Variants in ATP2C2 observed in about 807,000 individuals in gnomAD.
ATP2C2 encodes the protein calcium-transporting ATPase type 2C member 2.
In ATP2C2, 171 loss-of-function variants were observed where a neutral mutation model predicts 110.8. That is an observed-to-expected ratio of 1.54 (90% CI 1.36 to 1.75). The LOEUF is 1.75. ATP2C2 is among the 40% of genes most tolerant of loss of function. ATP2C2 has a pLI of 0.00. For missense variants in ATP2C2, 1,963 were observed against 1,235.0 expected, an observed-to-expected ratio of 1.59 and a Z score of -8.84; for synonymous variants, 804 against 508.4, an observed-to-expected ratio of 1.58 and a Z score of -7.82.
At chr16:84,391,911 T>TCCTC (rs1368372400) in intron 1 of ATP2C2, among the ~76,000 whole-genome samples, 1 of 151,470 alleles carries the variant, frequency 6.6e-6, no homozygotes, top group Non-Finnish European at 1.5e-5. Flanking sequence ...TTTCCTTCCT[T>TCCTC]CCTCTTTTTT....
intron 6 of ATP2C2, among the ~76,000 whole-genome samples, chr16:84,411,926 T>G (rs1405111568): frequency 6.6e-6 from 1 of 151,934 alleles, no homozygotes; most frequent in African/African-American, 2.4e-5. Flanking sequence ...TTTTCTTTTC[T>G]TTCTTTCCTT....
chr16:84,439,008 G>C lies in ATP2C2; in HGVS notation c.987-158G>C, dbSNP rs1597836976. ...GCTCAGGACAGTGGGTGCTGCAGAA[G>C]GAGGCAGGTGCACCTTAGGATTGGG... is the stretch of plus-strand genomic sequence containing the variant. On this transcript the variant is annotated intron_variant, in intron 11 of 26. Coordinates refer to ENST00000262429, the MANE Select transcript of ATP2C2 (RefSeq NM_014861.4). The C allele has an allele frequency of 1.8e-5, 20 of 1,094,858 alleles. No individual in the cohort carries two copies. In the East Asian group the frequency reaches 5.0e-4, roughly 27 times the overall value. The allele number at this position is 1,094,858 out of a possible 1,614,324, so 67.8% of individuals were successfully genotyped here.
intron 1 of ATP2C2, among the ~76,000 whole-genome samples, chr16:84,394,999 C>G (rs1359547243): frequency 1.3e-5 from 2 of 152,096 alleles, no homozygotes; most frequent in African/African-American, 4.8e-5. Flanking sequence ...CTGTTTGAGG[C>G]TGAGTTGATG....
chr16:84,397,669 A>AAAAAAAAAAAAAAAAAAT, intron 1 of ATP2C2, among the ~76,000 whole-genome samples: 1 of 149,482 alleles, frequency 6.7e-6, no homozygotes, highest in Non-Finnish European at 1.5e-5. Flanking sequence ...AAAAAAAAAA[A>AAAAAAAAAAAAAAAAAAT]AAAACTTGCT....
rs770489882 is a variant in ATP2C2 at position 84,451,954 on chromosome 16, G to C, written c.1694G>C (p.Arg565Pro). 2 of 1,613,924 alleles carry C rather than the reference G, an allele frequency of 1.2e-6. No homozygotes were observed. The highest frequency in any genetic ancestry group is 2.7e-5 in the African/African-American group (2 of 74,864). Residue 565 changes from arginine (R) to proline (P), a missense_variant, in exon 18 of 27, where the codon CGG becomes CCG. By Grantham distance (103) the Arg-to-Pro change is moderately radical. Transcript: ENST00000262429. ...CTGGCTTCTGGGCCCGAGCTGGGGC[G>C]GCTGACGTTTCTCGGTCTTGTGGGC... ...LALASGPELG[R>P]LTFLGLVGII... is the part of the protein sequence containing the mutation.
At chr16:84,384,296 T>C (rs1276915057) in intron 1 of ATP2C2, among the ~76,000 whole-genome samples, 1 of 152,234 alleles carries the variant, frequency 6.6e-6, no homozygotes, top group East Asian at 1.9e-4. Flanking sequence ...TTCTGTATTC[T>C]CGACCTTTTT....
Position 84,447,837 on chromosome 16 carries a change from GTAAT to G in ATP2C2, c.1504-691_1504-688del, listed in dbSNP as rs200661531. Among the ~76,000 whole-genome samples, 358 of 118,410 alleles carry G rather than the reference GTAAT, an allele frequency of 3.0e-3. 1 individual carries two copies. Among genetic ancestry groups the G allele is most frequent in the African/African-American group, 8.0e-3 (275 of 34,512 alleles). The allele number at this position is 118,410 out of a possible 152,430, so 77.7% of individuals were successfully genotyped here. ...TACTATAATTAATGTATTAACATCT[GTAAT>G]TAATATTATATTTATTAATAACATT... On this transcript the variant is annotated intron_variant, in intron 16 of 26. Transcript: ENST00000262429.
intron 15 of ATP2C2, among the ~76,000 whole-genome samples, chr16:84,444,162 C>CAAAAAA (rs71151217): frequency 7.0e-4 from 73 of 104,544 alleles, no homozygotes; most frequent in African/African-American, 2.2e-3. Flanking sequence ...GATCCTGCCT[C>CAAAAAA]AAAAAAAAAA....
At chr16:84,436,624 A>G (rs1470725306) in intron 11 of ATP2C2, among the ~76,000 whole-genome samples, 6 of 152,296 alleles carry the variant, frequency 3.9e-5, no homozygotes, top group Non-Finnish European at 7.4e-5. Context: ...ATGCGGTGAC[A>G]GCACTTGGAG....
intron 11 of ATP2C2, among the ~76,000 whole-genome samples, chr16:84,426,662 T>C (rs1749537223): frequency 6.6e-6 from 1 of 152,174 alleles, no homozygotes; most frequent in South Asian, 2.1e-4. Flanking sequence ...GGAGTTAGTC[T>C]GTGCAAGCAC....
intron 1 of ATP2C2, among the ~76,000 whole-genome samples, chr16:84,373,953 T>C (rs1663737251): frequency 6.6e-6 from 1 of 152,228 alleles, no homozygotes; most frequent in South Asian, 2.1e-4. Context: ...TTTAGGATAA[T>C]CAGACTCAAA....
At chr16:84,436,761 C>CTT (rs1397302680) in intron 11 of ATP2C2, among the ~76,000 whole-genome samples, 1 of 52,096 alleles carries the variant, frequency 1.9e-5, no homozygotes, top group Non-Finnish European at 4.3e-5. Context: ...CCAGCGAAGG[C>CTT]TGTTTTTTTT....
At chr16:84,369,833 AG>A (rs1289021825) in intron 1 of ATP2C2, among the ~76,000 whole-genome samples, 1 of 152,370 alleles carries the variant, frequency 6.6e-6, no homozygotes, top group Admixed American at 6.5e-5. Context: ...TTCTGGTCTT[AG>A]GGTGGTAGGC....
rs543129889 is a variant in ATP2C2, at chr16:84,454,841, C to G, written c.2004C>G (p.Ile668Met). The G allele has an allele frequency of 1.2e-6, 2 of 1,611,362 alleles. No individual in the cohort carries two copies. Among genetic ancestry groups the G allele is most frequent in the Non-Finnish European group, 1.7e-6 (2 of 1,178,858 alleles). ...IIKALQESGA[I>M]VAMTGDGVND... ...AGGCTCTGCAGGAGTCAGGGGCGAT[C>G]GTGGCCATGACTGGGGATGGGGTGA... The change falls in exon 21 of 27, where the codon ATC becomes ATG. Residue 668 changes from isoleucine to methionine, a missense_variant. Ile to Met is a conservative substitution (Grantham distance 10). Transcript: ENST00000262429.
In ATP2C2 at chr16:84,460,748, C is replaced by A; in HGVS notation, c.2428C>A (p.Leu810Ile). 1 of 1,614,148 alleles carries A rather than the reference C, an allele frequency of 6.2e-7. No individual in the cohort carries two copies. Among genetic ancestry groups the A allele is most frequent in the African/African-American group, 1.3e-5 (1 of 75,048 alleles). ...CAGCAGAGCCCTCATCCTGAAGATC[C>A]TCATGTCCGCGGCCATCATCATCAG... The part of the protein sequence containing the change: ...ILSRALILKI[L>I]MSAAIIISGT... The change falls in exon 24 of 27, where the codon CTC becomes ATC. Residue 810 changes from leucine (L) to isoleucine (I), a missense_variant. Transcript: ENST00000262429.
At chr16:84,433,892 C>G (rs752840696) in intron 11 of ATP2C2, among the ~76,000 whole-genome samples, 1 of 152,182 alleles carries the variant, frequency 6.6e-6, no homozygotes. Context: ...CCTAACCTCC[C>G]TTGCAGCACG....
chr16:84,437,284 C>G (rs1035536120), intron 11 of ATP2C2, among the ~76,000 whole-genome samples: 1 of 152,106 alleles, frequency 6.6e-6, no homozygotes, highest in Non-Finnish European at 1.5e-5. Flanking sequence ...GCCTTGACCT[C>G]CCAGGCTCAA....
rs953966300 is a variant in ATP2C2, at chr16:84,398,608, G to A, written c.209G>A (p.Cys70Tyr). Residue 70 changes from cysteine to tyrosine, a missense_variant and splice_region_variant, in exon 2 of 27, where the codon TGT becomes TAT. Transcript: ENST00000262429. Reference sequence around the variant, plus strand: ...AAAGAGGATTTGGCCAGAGCGTTTTGTGTAAGAATTGAATTTGCATCTGGA... The same window carrying A: ...AAAGAGGATTTGGCCAGAGCGTTTTATGTAAGAATTGAATTTGCATCTGGA... ...CQKEDLARAF[C>Y]VDLHTGLSEF... 5.0e-6 allele frequency: 8 copies of A among 1,605,430 alleles called. No homozygotes were observed. In the African/African-American group the frequency reaches 9.4e-5, roughly 19 times the overall value.
At chr16:84,450,624 G>T (rs1054872874) in intron 17 of ATP2C2, among the ~76,000 whole-genome samples, 3 of 152,160 alleles carry the variant, frequency 2.0e-5, no homozygotes, top group Non-Finnish European at 2.9e-5. Flanking sequence ...CATTGGCGCA[G>T]TGTCATGACT....
Sources: allele counts gnomAD v4.1 joint callset (sites outside exome capture counted in the v4.1 genomes callset), GRCh38; gene constraint gnomAD v4.1.1; transcripts MANE v1.5; gene names NCBI Gene and HGNC (gene_info 2026-07-23, HGNC 2026-07-21).